FAM221A: variants seen among roughly 807,000 people sequenced by gnomAD.
FAM221A encodes the protein family with sequence similarity 221 member A.
A neutral mutation model predicts 37.6 loss-of-function variants in FAM221A; 43 were observed. That is an observed-to-expected ratio of 1.15 (90% CI 0.90 to 1.48). FAM221A has a LOEUF of 1.48. Ranked by LOEUF, FAM221A falls within the 40% of genes most tolerant of loss-of-function variation. FAM221A has a pLI of 0.00. For missense variants in FAM221A, 361 were observed against 361.5 expected (o/e 1.00, Z 0.01); for synonymous variants, 135 against 132.9 (o/e 1.02, Z -0.11).
chr7:23,703,081 C>A (rs1785547690), downstream of FAM221A: 1 of 152,206 alleles, frequency 6.6e-6, no homozygotes, highest in Admixed American at 6.5e-5. Flanking sequence ...TTCTGAAATG[C>A]ATTTCATAAA....
At chr7:23,689,965 G>T (rs1442310453) in intron 3 of FAM221A, among the ~76,000 whole-genome samples, 3 of 151,580 alleles carry the variant, frequency 2.0e-5, no homozygotes, top group Non-Finnish European at 4.4e-5. Flanking sequence ...CCTTACACTG[G>T]ATCATCCATT....
intron 5 of FAM221A, among the ~76,000 whole-genome samples, chr7:23,699,900 C>T (rs2128051377): frequency 6.6e-6 from 1 of 152,124 alleles, no homozygotes; most frequent in South Asian, 2.1e-4. Flanking sequence ...GGTAATATGC[C>T]ATTATAATGC....
At position 23,686,172 on chromosome 7, in the gene FAM221A, T is replaced by G. The variant is rs542423936; in HGVS notation, c.239+1500T>G. 1.1e-4 allele frequency: 33 copies of G among 314,066 alleles called. No homozygotes were observed. In the East Asian group the frequency reaches 3.7e-3, roughly 35 times the overall value. The allele number at this position is 314,066 out of a possible 1,614,324, so 19.5% of individuals were successfully genotyped here. A position where few individuals can be genotyped will look rare whatever the true frequency, so the allele number is the denominator to read the frequency against. On this transcript the variant is annotated intron_variant, in intron 2 of 6. Transcript: ENST00000344962. ...AGGGGTTTGGTAAGTTTGTGATAGTTTTATAATTTATTCTTACACAAATTT... is the reference window on the plus strand; with the variant it reads ...AGGGGTTTGGTAAGTTTGTGATAGTGTTATAATTTATTCTTACACAAATTT...
At chr7:23,695,957 C>T (rs1039263965) in intron 4 of FAM221A, among the ~76,000 whole-genome samples, 4 of 152,108 alleles carry the variant, frequency 2.6e-5, no homozygotes, top group Admixed American at 1.3e-4. Context: ...CCTTTAGTGA[C>T]GTCTAGTATT....
chr7:23,690,195 A>ATTTT (rs1218214025), intron 3 of FAM221A, among the ~76,000 whole-genome samples: 2 of 38,704 alleles, frequency 5.2e-5, no homozygotes, highest in Non-Finnish European at 1.1e-4. Flanking sequence ...ATATATATAT[A>ATTTT]TATATTTTTT....
chr7:23,694,613 T>G lies in FAM221A; in HGVS notation c.637+3017T>G, dbSNP rs185859858. The G allele has an allele frequency of 7.9e-5, 12 of 152,314 alleles. No individual in the cohort carries two copies. The East Asian group carries it at 2.3e-3, about 29-fold the overall frequency. 9.4% of individuals were successfully genotyped at this position (152,314 alleles called of 1,614,324 possible). A position where few individuals can be genotyped will look rare whatever the true frequency, so the allele number is the denominator to read the frequency against. ...TCACTTAATCCTCACAACAACTCTGTGAGTTAGATTATTATTCCTATTTTA... is the reference window on the plus strand; with the variant it reads ...TCACTTAATCCTCACAACAACTCTGGGAGTTAGATTATTATTCCTATTTTA... On this transcript the variant is annotated intron_variant, in intron 4 of 6. Transcript: ENST00000344962.
At chr7:23,689,101 A>G in intron 2 of FAM221A, 168 bp from the exon 3 acceptor site, 2 of 454,610 alleles carry the variant, frequency 4.4e-6, no homozygotes, top group Admixed American at 3.5e-5. Flanking sequence ...CCAAAGCAAC[A>G]TAGGTGATAC....
rs752244905 is a variant in FAM221A, at chr7:23,700,794, A to G, written c.754A>G (p.Ser252Gly). The change falls in exon 6 of 7, where the codon AGT becomes GGT. Residue 252 changes from serine (S) to glycine (G), a missense_variant. Transcript: ENST00000344962. ...SPETLTDVGT[S>G]SQVSSLRRPE... ...TTTTTTTTCCTTGTTAGTAGGTACA[A>G]GTAGTCAAGTTTCTTCATTAAGGAG... 2 of 1,598,378 alleles carry G rather than the reference A, an allele frequency of 1.3e-6. No individual in the cohort carries two copies. Among genetic ancestry groups the G allele is most frequent in the Non-Finnish European group, 1.7e-6 (2 of 1,172,456 alleles).
intron 2 of FAM221A, among the ~76,000 whole-genome samples, chr7:23,685,229 C>T (rs1784296108): frequency 6.6e-6 from 1 of 152,000 alleles, no homozygotes. Flanking sequence ...GCCTGAGTGG[C>T]AGTGTGAGAC....
chr7:23,700,737 G>C, intron 5 of FAM221A, 49 bp from the exon 6 acceptor site: 1 of 1,158,494 alleles, frequency 8.6e-7, no homozygotes, highest in Non-Finnish European at 1.2e-6. Flanking sequence ...TATTTCAGGG[G>C]AATATGTAAT....
intron 5 of FAM221A, among the ~76,000 whole-genome samples, chr7:23,698,525 A>G (rs577412944): frequency 1.6e-4 from 24 of 152,316 alleles, no homozygotes; most frequent in South Asian, 4.1e-4. Flanking sequence ...GGATTCTGAT[A>G]CTACTATAAT....
intron 2 of FAM221A, chr7:23,686,877 G>C (rs76484170): frequency 0.062 from 9,339 of 151,506 alleles, 365 homozygotes; most frequent in East Asian, 0.14. Flanking sequence ...CCTCTGCCTC[G>C]TGGGTTCAAG....
At chr7:23,683,784 C>T (rs754143887) in intron 1 of FAM221A, among the ~76,000 whole-genome samples, 7 of 152,202 alleles carry the variant, frequency 4.6e-5, no homozygotes, top group East Asian at 1.9e-4. Context: ...GCTGCCTATT[C>T]TCGTGGCCCA....
At chr7:23,683,765 G>A (rs1052631612) in intron 1 of FAM221A, among the ~76,000 whole-genome samples, 29 of 152,126 alleles carry the variant, frequency 1.9e-4, no homozygotes, top group Admixed American at 1.3e-4. Context: ...GGATCAAACC[G>A]ATAGTTGGGC....
intron 3 of FAM221A, among the ~76,000 whole-genome samples, chr7:23,690,199 A>ATATATTT (rs774313037): frequency 0.011 from 529 of 48,716 alleles, 13 homozygotes; most frequent in East Asian, 0.041. Flanking sequence ...ATATATATAT[A>ATATATTT]TTTTTTTTTT....
chr7:23,693,405 A>G (rs1042302712), intron 4 of FAM221A: 1 of 151,860 alleles, frequency 6.6e-6, no homozygotes, highest in Admixed American at 6.6e-5. Context: ...TTAGTGAGAT[A>G]GGGATCTTTT....
At chr7:23,687,450 C>T (rs1459897507) in intron 2 of FAM221A, 5 of 151,988 alleles carry the variant, frequency 3.3e-5, no homozygotes, top group Admixed American at 6.6e-5. Context: ...TCTCTTATGT[C>T]GTGTGGGTGT....
chr7:23,699,971 T>C (rs1785306441), intron 5 of FAM221A, among the ~76,000 whole-genome samples: 1 of 152,192 alleles, frequency 6.6e-6, no homozygotes, highest in Non-Finnish European at 1.5e-5. Flanking sequence ...GATCCAGGGA[T>C]AGACCCAGAG....
intron 5 of FAM221A, among the ~76,000 whole-genome samples, chr7:23,699,089 C>T (rs1785236568): frequency 2.0e-5 from 3 of 150,566 alleles, no homozygotes; most frequent in Admixed American, 2.0e-4. Flanking sequence ...TTCCTCAGTG[C>T]TAATGAATGT....
Sources: gnomAD v4.1 joint callset for allele counts (sites outside exome capture counted in the v4.1 genomes callset) on GRCh38, gnomAD v4.1.1 for gene constraint, MANE v1.5 for transcripts, NCBI Gene and HGNC (gene_info 2026-07-23, HGNC 2026-07-21) for gene names.